ANK1: variants seen among roughly 807,000 people sequenced by gnomAD.
The protein encoded by ANK1 is ankyrin 1, also known as ankyrin-1.
Under a neutral mutation model 210.4 loss-of-function variants are expected in ANK1, and 51 were observed. The observed-to-expected ratio is 0.24, with a 90% confidence interval of 0.19 to 0.31. The LOEUF (loss-of-function observed/expected upper bound fraction) is 0.31, where lower values mean the gene tolerates loss of function less well. Ranked by LOEUF, ANK1 falls within the 10% of genes least tolerant of loss-of-function variation. The pLI is 1.00. For missense variants in ANK1, 2,051 were observed against 2,504.4 expected, an observed-to-expected ratio of 0.82 and a Z score of 3.86; for synonymous variants, 967 against 1,025.9, an observed-to-expected ratio of 0.94 and a Z score of 1.10.
chr8:41,814,242 C>G (rs1300315791), intron 1 of ANK1, among the ~76,000 whole-genome samples: 1 of 152,024 alleles, frequency 6.6e-6, no homozygotes, highest in Non-Finnish European at 1.5e-5. Context: ...CACCTGTAGT[C>G]CCAGCTACTC....
rs150894259 is a variant in ANK1 at position 41,845,836 on chromosome 8, G to C, written c.126+50519C>G. ...CATAAACATACCAAAACCGTTTTCA[G>C]CTTCCCATGCGGAAAGTACATGCGG... On this transcript the variant is annotated intron_variant, in intron 1 of 42. Coordinates refer to the ANK1 transcript ENST00000265709. Among the ~76,000 whole-genome samples the C allele has an allele frequency of 6.9e-3, 1,045 of 152,184 alleles. 8 individuals carry two copies. The highest frequency in any genetic ancestry group is 0.011 in the Non-Finnish European group (719 of 68,024).
chr8:41,859,545 C>T (rs923648818), intron 1 of ANK1, among the ~76,000 whole-genome samples: 1 of 152,164 alleles, frequency 6.6e-6, no homozygotes. Flanking sequence ...TGGGGTTTTG[C>T]CATGTTGGCC....
At position 41,704,349 on chromosome 8, in the gene ANK1, A is replaced by G. The variant is rs1413564611; in HGVS notation, c.2196+25T>C. On this transcript the variant is annotated intron_variant, in intron 19 of 42. Transcript: ENST00000289734. This position sits in a 1 kb window ranked among gnomAD's most constrained non-coding sequence, Gnocchi z 4.1. Reference sequence around the variant, plus strand: ...TGGCATGGAGAAGGGTCAGTGCAGGAGTCGGGGCTGGGGCACCCCTGTACC... The same window carrying G: ...TGGCATGGAGAAGGGTCAGTGCAGGGGTCGGGGCTGGGGCACCCCTGTACC... The G allele has an allele frequency of 6.2e-7, 1 of 1,602,024 alleles. No individual in the cohort carries two copies. Among genetic ancestry groups the G allele is most frequent in the Non-Finnish European group, 8.6e-7 (1 of 1,169,172 alleles).
intron 1 of ANK1, among the ~76,000 whole-genome samples, chr8:41,804,745 G>A (rs995879568): frequency 1.1e-4 from 17 of 152,128 alleles, no homozygotes; most frequent in African/African-American, 4.1e-4. Flanking sequence ...ATTCTCATTC[G>A]CTTAAACTTT....
intron 1 of ANK1, among the ~76,000 whole-genome samples, chr8:41,824,417 T>C (rs74887565): frequency 0.29 from 43,625 of 152,114 alleles, 6,788 homozygotes; most frequent in Middle Eastern, 0.44. Context: ...TTTCAAGTCC[T>C]GGAAACATGT....
At chr8:41,806,557 A>C (rs1256251125) in intron 1 of ANK1, among the ~76,000 whole-genome samples, 1 of 152,188 alleles carries the variant, frequency 6.6e-6, no homozygotes, top group East Asian at 1.9e-4. Context: ...TCTACTAAAA[A>C]TACAAAAATT....
At chr8:41,682,401 A>G (rs1816347674) in intron 37 of ANK1, among the ~76,000 whole-genome samples, 1 of 152,220 alleles carries the variant, frequency 6.6e-6, no homozygotes, top group Non-Finnish European at 1.5e-5. Flanking sequence ...GGTGTGTGAT[A>G]CAATTCCCCG....
intron 30 of ANK1, 75 bp from the exon 31 acceptor site, chr8:41,692,951 C>T (rs948984418): frequency 3.3e-5 from 51 of 1,542,564 alleles, no homozygotes; most frequent in African/African-American, 5.6e-5. Context: ...GGGAGCAGCC[C>T]GTGAGCCATA....
intron 1 of ANK1, among the ~76,000 whole-genome samples, chr8:41,776,950 C>T (rs545135274): frequency 4.6e-4 from 70 of 152,378 alleles, no homozygotes; most frequent in Non-Finnish European, 6.9e-4. Flanking sequence ...TAATACTTCA[C>T]ACAGGGCTCA....
intron 2 of ANK1, among the ~76,000 whole-genome samples, chr8:41,744,064 G>A (rs147601330): frequency 5.9e-5 from 9 of 152,280 alleles, no homozygotes; most frequent in African/African-American, 2.2e-4. Flanking sequence ...AAGGAATGAT[G>A]AGGACATGTC....
At chr8:41,882,794 C>T (rs1817809709) in intron 1 of ANK1, among the ~76,000 whole-genome samples, 1 of 152,250 alleles carries the variant, frequency 6.6e-6, no homozygotes, top group Non-Finnish European at 1.5e-5. Flanking sequence ...TGCTTAGCCC[C>T]CTCTCCCTCT....
chr8:41,807,723 C>T (rs1205028954), intron 1 of ANK1, among the ~76,000 whole-genome samples: 1 of 152,144 alleles, frequency 6.6e-6, no homozygotes, highest in East Asian at 1.9e-4. Context: ...CATTGACTTC[C>T]TCTCTCGTTT....
intron 1 of ANK1, among the ~76,000 whole-genome samples, chr8:41,842,219 G>T (rs548211394): frequency 6.6e-6 from 1 of 152,192 alleles, no homozygotes. Flanking sequence ...GAGGCCAGGC[G>T]CAGTGGCTCA....
At position 41,693,996 on chromosome 8, in the gene ANK1, A is replaced by G. The variant is rs767714240; in HGVS notation, c.3434T>C (p.Ile1145Thr). ...EPRRRKFHRP[I>T]GLRIPLPPSW... ...AGGAGGTAGTGGGATCCGAAGCCCAATGGGGCGGTGGAACTTCCGGCGCCG... is the reference window on the plus strand; with the variant it reads ...AGGAGGTAGTGGGATCCGAAGCCCAGTGGGGCGGTGGAACTTCCGGCGCCG... The change falls in exon 29 of 43, where the codon ATT becomes ACT. Residue 1145 changes from isoleucine (I) to threonine (T), a missense_variant. Ile to Thr is a moderately conservative substitution (Grantham distance 89). Around this residue, in one of 6 missense-constraint regions of ANK1, gnomAD observed 1,413 missense variants for 1,707.4 expected, o/e 0.83. Transcript: ENST00000289734. 4 of 1,613,964 alleles carry G rather than the reference A, an allele frequency of 2.5e-6. No homozygotes were observed. The highest frequency in any genetic ancestry group is 2.5e-6 in the Non-Finnish European group (3 of 1,180,002).
chr8:41,703,466 T>TTTTTTAA, intron 20 of ANK1, among the ~76,000 whole-genome samples: 1 of 105,554 alleles, frequency 9.5e-6, no homozygotes, highest in African/African-American at 3.3e-5. Flanking sequence ...TTTTTTTTTT[T>TTTTTTAA]AAGACACAAG....
chr8:41,833,380 A>C (rs749562305), intron 1 of ANK1, among the ~76,000 whole-genome samples: 3 of 152,104 alleles, frequency 2.0e-5, no homozygotes, highest in Non-Finnish European at 4.4e-5. Context: ...CAATGTAGGG[A>C]AGGGGGTGGT....
intron 42 of ANK1, chr8:41,660,647 C>A: frequency 2.4e-6 from 1 of 423,626 alleles, no homozygotes; most frequent in South Asian, 1.7e-5. Context: ...TGTGGCCACA[C>A]TGCCCCATGC....
chr8:41,713,225 G>A (rs1227023985), intron 16 of ANK1, among the ~76,000 whole-genome samples: 3 of 152,152 alleles, frequency 2.0e-5, no homozygotes, highest in Admixed American at 6.5e-5. Flanking sequence ...CCTGTTTCCC[G>A]TGCGCCTGGC....
intron 37 of ANK1, among the ~76,000 whole-genome samples, chr8:41,681,497 G>A (rs2150574147): frequency 6.6e-6 from 1 of 152,386 alleles, no homozygotes; most frequent in South Asian, 2.1e-4. Context: ...GGGAGAGACA[G>A]CCTCAGGCTT....
Sources: allele counts gnomAD v4.1 joint callset (sites outside exome capture counted in the v4.1 genomes callset), GRCh38; gene constraint gnomAD v4.1.1; regional missense constraint gnomAD v4.1.1; non-coding constraint Gnocchi (gnomAD v3.1); transcripts MANE v1.5; gene names NCBI Gene and HGNC (gene_info 2026-07-23, HGNC 2026-07-21).